KCNMB4: variants seen among roughly 807,000 people sequenced by gnomAD.
KCNMB4 encodes the protein calcium-activated potassium channel subunit beta-4.
KCNMB4 carries 3 observed loss-of-function variants against 20.7 expected under a neutral mutation model. The observed-to-expected ratio is 0.14, with a 90% confidence interval of 0.07 to 0.37. The LOEUF (loss-of-function observed/expected upper bound fraction) is 0.37, where lower values mean the gene tolerates loss of function less well. Ranked by LOEUF, KCNMB4 falls within the 10% of genes least tolerant of loss-of-function variation. The pLI is 1.00. For synonymous variants in KCNMB4, 110 were observed against 113.4 expected (o/e 0.97, Z 0.19); for missense variants, 168 against 265.9 (o/e 0.63, Z 2.56).
Position 70,366,367 on chromosome 12 carries a change from C to A in KCNMB4, c.-368C>A, listed in dbSNP as rs1239710282. 6.6e-6 allele frequency: 1 copy of A among 151,448 alleles called. No homozygotes were observed. Among genetic ancestry groups the A allele is most frequent in the African/African-American group, 2.4e-5 (1 of 41,296 alleles). 9.4% of individuals were successfully genotyped at this position (151,448 alleles called of 1,614,324 possible). On this transcript the variant is annotated 5_prime_UTR_variant, in exon 1 of 3. Coordinates refer to ENST00000258111, the MANE Select transcript of KCNMB4 (RefSeq NM_014505.6). ...AGCGGGCGATGGAGACAGAGAGACA[C>A]CCGACGAGAGGAGGCGGGGTGGGGG... is the stretch of plus-strand genomic sequence containing the variant.
intron 2 of KCNMB4, among the ~76,000 whole-genome samples, chr12:70,429,441 C>T (rs1025728672): frequency 2.0e-5 from 3 of 152,036 alleles, no homozygotes; most frequent in African/African-American, 7.3e-5. Flanking sequence ...CCGAGGAGGG[C>T]GGATCACGAG....
chr12:70,387,251 G>A (rs914658301), intron 1 of KCNMB4, among the ~76,000 whole-genome samples: 5 of 151,796 alleles, frequency 3.3e-5, no homozygotes, highest in Non-Finnish European at 4.4e-5. Flanking sequence ...TTGTCTGCAC[G>A]GGATATTGGC....
At chr12:70,380,695 A>G (rs1883770799) in intron 1 of KCNMB4, among the ~76,000 whole-genome samples, 2 of 152,130 alleles carry the variant, frequency 1.3e-5, no homozygotes, top group South Asian at 4.1e-4. Context: ...GATTTTTGAC[A>G]AGAGTGTCAA....
At chr12:70,387,965 C>G (rs2136123322) in intron 1 of KCNMB4, among the ~76,000 whole-genome samples, 2 of 152,164 alleles carry the variant, frequency 1.3e-5, no homozygotes, top group South Asian at 4.2e-4. Context: ...CCCCACCTCC[C>G]CCACAGCCCT....
intron 2 of KCNMB4, among the ~76,000 whole-genome samples, chr12:70,414,290 G>A (rs1277025671): frequency 1.3e-5 from 2 of 152,134 alleles, no homozygotes; most frequent in African/African-American, 4.8e-5. Flanking sequence ...TAAATTGTGA[G>A]TCTAATTAAT....
chr12:70,422,795 T>A (rs2136142055), intron 2 of KCNMB4: 1 of 1,263,868 alleles, frequency 7.9e-7, no homozygotes, highest in South Asian at 1.3e-5. Context: ...TCTCAGGGTT[T>A]TAAGAATCAC....
chr12:70,402,654 C>CAAAA (rs34956547), intron 2 of KCNMB4, among the ~76,000 whole-genome samples: 10 of 74,992 alleles, frequency 1.3e-4, no homozygotes, highest in East Asian at 4.0e-4. Context: ...GACCCTGCCT[C>CAAAA]AAAAAAAAAA....
intron 2 of KCNMB4, among the ~76,000 whole-genome samples, chr12:70,416,779 G>A (rs1868924334): frequency 6.6e-6 from 1 of 152,096 alleles, no homozygotes; most frequent in Non-Finnish European, 1.5e-5. Context: ...ATATAATTTA[G>A]GGGTTAGGAT....
chr12:70,421,620 C>T (rs529994325), intron 2 of KCNMB4, among the ~76,000 whole-genome samples: 71 of 150,312 alleles, frequency 4.7e-4, no homozygotes, highest in African/African-American at 1.6e-3. Flanking sequence ...CTCGCTCTGT[C>T]GCCCAGGCTG....
chr12:70,420,682 T>C (rs1869027487), intron 2 of KCNMB4, among the ~76,000 whole-genome samples: 1 of 152,216 alleles, frequency 6.6e-6, no homozygotes, highest in African/African-American at 2.4e-5. Flanking sequence ...AGGAAATAGA[T>C]ACAGGCAGTA....
At chr12:70,394,470 T>G (rs1435227953) in intron 1 of KCNMB4, among the ~76,000 whole-genome samples, 1 of 152,208 alleles carries the variant, frequency 6.6e-6, no homozygotes, top group Non-Finnish European at 1.5e-5. Flanking sequence ...TCCATAAGAT[T>G]ACTTTCATTT....
At chr12:70,367,185 C>T in intron 1 of KCNMB4, 115 bp downstream of exon 1, 1 of 739,070 alleles carries the variant, frequency 1.4e-6, no homozygotes, top group Non-Finnish European at 2.1e-6. Flanking sequence ...AGGAGGAGAC[C>T]AGGTGGCGCA....
chr12:70,408,825 A>AT (rs1374190133), intron 2 of KCNMB4, among the ~76,000 whole-genome samples: 3 of 151,312 alleles, frequency 2.0e-5, no homozygotes, highest in South Asian at 2.1e-4. Context: ...TCATGTTTTC[A>AT]TTTTTTTTCT....
At chr12:70,426,900 C>T (rs1409298276) in intron 2 of KCNMB4, among the ~76,000 whole-genome samples, 1 of 152,136 alleles carries the variant, frequency 6.6e-6, no homozygotes, top group Non-Finnish European at 1.5e-5. Flanking sequence ...TGGGTACCCA[C>T]AGTATTTACT....
intron 2 of KCNMB4, among the ~76,000 whole-genome samples, chr12:70,409,074 T>G (rs1868695115): frequency 6.6e-6 from 1 of 152,230 alleles, no homozygotes; most frequent in Non-Finnish European, 1.5e-5. Context: ...GAGTGATCAG[T>G]CTTTTTATCT....
chr12:70,396,584 G>A (rs961130775), intron 1 of KCNMB4, among the ~76,000 whole-genome samples: 2 of 152,190 alleles, frequency 1.3e-5, no homozygotes, highest in Non-Finnish European at 2.9e-5. Flanking sequence ...GGAATTACAG[G>A]CGTGAGCCAT....
chr12:70,432,132 T>A lies in KCNMB4; in HGVS notation c.*1479T>A, dbSNP rs2136146657. The A allele has an allele frequency of 6.6e-6, 1 of 151,084 alleles. No individual in the cohort carries two copies. Among genetic ancestry groups the A allele is most frequent in the East Asian group, 2.0e-4 (1 of 5,086 alleles). 9.4% of individuals were successfully genotyped at this position (151,084 alleles called of 1,614,324 possible). On this transcript the variant is annotated 3_prime_UTR_variant, in exon 3 of 3. Transcript: ENST00000258111. ...ACAGTCTCCACCTCCTGGGTTCAAG[T>A]CATTCCTCTGCCTCAGCCTCCCGAG...
intron 2 of KCNMB4, among the ~76,000 whole-genome samples, chr12:70,420,203 C>A (rs1030598798): frequency 1.2e-4 from 18 of 152,210 alleles, no homozygotes; most frequent in African/African-American, 3.9e-4. Context: ...TATAGGAGAG[C>A]GGTTTATGGT....
At chr12:70,371,489 C>G (rs1030181159) in intron 1 of KCNMB4, among the ~76,000 whole-genome samples, 1 of 152,180 alleles carries the variant, frequency 6.6e-6, no homozygotes, top group Non-Finnish European at 1.5e-5. Flanking sequence ...CAGTTTGATA[C>G]ATTTTGCGCT....
Sources: allele counts gnomAD v4.1 joint callset (sites outside exome capture counted in the v4.1 genomes callset), GRCh38; gene constraint gnomAD v4.1.1; transcripts MANE v1.5; gene names NCBI Gene and HGNC (gene_info 2026-07-23, HGNC 2026-07-21).